CCDC15: variants seen among roughly 807,000 people sequenced by gnomAD.
CCDC15 encodes coiled-coil domain containing 15.
A neutral mutation model predicts 114.5 loss-of-function variants in CCDC15; 105 were observed. The observed-to-expected ratio is 0.92, with a 90% CI of 0.78 to 1.08. The LOEUF (loss-of-function observed/expected upper bound fraction) is 1.08, where lower values mean the gene tolerates loss of function less well. CCDC15 is among the 50% of genes least tolerant of loss of function. The probability of loss-of-function intolerance (pLI) is 0.00; values close to 1 mark genes in which losing one functional copy is unlikely to be tolerated. For missense variants in CCDC15, 1,105 were observed against 1,093.6 expected (o/e 1.01, Z -0.15); for synonymous variants, 334 against 377.8 (o/e 0.88, Z 1.34).
At chr11:124,970,999 A>G (rs986300601) in intron 4 of CCDC15, among the ~76,000 whole-genome samples, 4 of 152,124 alleles carry the variant, frequency 2.6e-5, no homozygotes, top group South Asian at 2.1e-4. Flanking sequence ...ATCAAGGCCT[A>G]TTTTTATTTG....
intron 8 of CCDC15, among the ~76,000 whole-genome samples, chr11:124,989,014 T>A (rs185280247): frequency 6.6e-6 from 1 of 152,348 alleles, no homozygotes; most frequent in East Asian, 1.9e-4. Flanking sequence ...GATTCATGAA[T>A]GTTCTTAATG....
chr11:124,961,473 A>T (rs1408852099), intron 4 of CCDC15, among the ~76,000 whole-genome samples: 1 of 152,210 alleles, frequency 6.6e-6, no homozygotes, highest in Non-Finnish European at 1.5e-5. Flanking sequence ...GGAAGAATTC[A>T]TGGGAGAGAT....
chr11:124,985,149 A>G (rs187883485), intron 6 of CCDC15, among the ~76,000 whole-genome samples: 2 of 152,312 alleles, frequency 1.3e-5, no homozygotes, highest in African/African-American at 2.4e-5. Context: ...ATAATGTTTT[A>G]AAGTTCATCC....
intron 1 of CCDC15, 145 bp downstream of exon 1, chr11:124,954,515 T>G (rs915543759): frequency 2.3e-6 from 1 of 428,364 alleles, no homozygotes; most frequent in African/African-American, 2.0e-5. Context: ...GAAGGCAACT[T>G]AAAAACCTTT....
At chr11:124,977,402 A>G in intron 5 of CCDC15, 76 bp from the exon 6 acceptor site, 1 of 1,341,534 alleles carries the variant, frequency 7.5e-7, no homozygotes, top group Non-Finnish European at 9.9e-7. Flanking sequence ...TAGATCTTTC[A>G]CAGAAACTCA....
Position 124,986,698 on chromosome 11 carries a change from T to TGCGCGC in CCDC15, c.754-43_754-42insCGCGCG, listed in dbSNP as rs777233071. ...GTGTGTGTGTGTGTGTGTTTGTGTG[T>TGCGCGC]GTGCGCGCGCGCGCGTGCGCGTTTT... On this transcript the variant is annotated intron_variant, in intron 6 of 15. Transcript: ENST00000344762. 7.7e-6 allele frequency: 11 copies of TGCGCGC among 1,437,504 alleles called. No individual in the cohort carries two copies. In the African/African-American group the frequency reaches 9.8e-5, roughly 13 times the overall value. 89.0% of individuals were successfully genotyped at this position (1,437,504 alleles called of 1,614,324 possible). A position where few individuals can be genotyped will look rare whatever the true frequency, so the allele number is the denominator to read the frequency against.
chr11:124,985,752 A>G (rs1034238008), intron 6 of CCDC15, among the ~76,000 whole-genome samples: 2 of 151,000 alleles, frequency 1.3e-5, no homozygotes, highest in Admixed American at 6.6e-5. Flanking sequence ...TATAATATGT[A>G]TATATTCTGG....
At chr11:125,004,837 C>G (rs779612393) in intron 12 of CCDC15, among the ~76,000 whole-genome samples, 3 of 152,074 alleles carry the variant, frequency 2.0e-5, no homozygotes, top group Non-Finnish European at 4.4e-5. Flanking sequence ...CTTGGGAACA[C>G]AGAGTAAATA....
At chr11:125,039,528 G>A (rs1244742903) in intron 15 of CCDC15, 1 of 153,226 alleles carries the variant, frequency 6.5e-6, no homozygotes, top group East Asian at 1.9e-4. Context: ...GTCCCAGCTA[G>A]AGAAAACTTA....
At chr11:124,986,600 A>G (rs750912677) in intron 6 of CCDC15, 142 bp from the exon 7 acceptor site, 1 of 852,472 alleles carries the variant, frequency 1.2e-6, no homozygotes, top group Non-Finnish European at 1.7e-6. Flanking sequence ...AAATTATAAT[A>G]GCAGTGACCT....
At chr11:125,039,122 A>G in intron 15 of CCDC15, 53 bp downstream of exon 15, 2 of 1,485,438 alleles carry the variant, frequency 1.3e-6, no homozygotes, top group Non-Finnish European at 1.8e-6. Context: ...AAAAATAAAT[A>G]AGAGTAGTGG....
chr11:125,032,352 A>C (rs1478609692), intron 13 of CCDC15, among the ~76,000 whole-genome samples: 15 of 152,254 alleles, frequency 9.9e-5, no homozygotes, highest in Non-Finnish European at 2.1e-4. Context: ...GCATTTGCCT[A>C]GTCAGTGGCC....
At chr11:125,025,094 A>ATGAATATATATG (rs1948690338) in intron 13 of CCDC15, among the ~76,000 whole-genome samples, 2 of 130,344 alleles carry the variant, frequency 1.5e-5, no homozygotes, top group Non-Finnish European at 3.1e-5. Flanking sequence ...GAATATATAT[A>ATGAATATATATG]TGAATATATA....
intron 13 of CCDC15, 161 bp from the exon 14 acceptor site, chr11:125,038,270 A>G (rs185740578): frequency 2.9e-4 from 148 of 501,872 alleles, no homozygotes; most frequent in Non-Finnish European, 4.6e-4. Context: ...TTGGGAGGAG[A>G]TAAAGCAGCC....
At chr11:124,988,744 G>A (rs1489599938) in intron 8 of CCDC15, among the ~76,000 whole-genome samples, 1 of 152,138 alleles carries the variant, frequency 6.6e-6, no homozygotes, top group African/African-American at 2.4e-5. Context: ...TTTTAACAAT[G>A]TTCACAGTAG....
At position 124,986,707 on chromosome 11, in the gene CCDC15, G is replaced by GCA. The variant is rs1565366442; in HGVS notation, c.754-34_754-33insAC. ...TGTGTGTGTTTGTGTGTGTGCGCGC[G>GCA]CGCGCGTGCGCGTTTTCATTGTTTT... is the stretch of plus-strand genomic sequence containing the variant. On this transcript the variant is annotated intron_variant, in intron 6 of 15. Coordinates refer to ENST00000344762, the MANE Select transcript of CCDC15 (RefSeq NM_025004.3). 32 of 1,441,716 alleles carry GCA rather than the reference G, an allele frequency of 2.2e-5. 1 individual carries two copies. Among genetic ancestry groups the GCA allele is most frequent in the East Asian group, 7.5e-5 (3 of 40,056 alleles). 89.3% of individuals were successfully genotyped at this position (1,441,716 alleles called of 1,614,324 possible).
intron 4 of CCDC15, 81 bp downstream of exon 4, chr11:124,960,084 G>A: frequency 9.0e-7 from 1 of 1,106,836 alleles, no homozygotes; most frequent in Non-Finnish European, 1.2e-6. Flanking sequence ...TAGGGTATGA[G>A]GTAGGGATTA....
intron 6 of CCDC15, among the ~76,000 whole-genome samples, chr11:124,978,818 A>ATT (rs35083057): frequency 1.1e-3 from 169 of 148,682 alleles, no homozygotes; most frequent in South Asian, 8.2e-3. Context: ...CCCATTTGTC[A>ATT]TTTTTTTTTT....
At position 124,986,734 on chromosome 11, in the gene CCDC15, T is replaced by C. The variant is rs1948170187; in HGVS notation, c.754-8T>C. On this transcript the variant is annotated splice_region_variant and splice_polypyrimidine_tract_variant and intron_variant, in intron 6 of 15. Transcript: ENST00000344762. ...GCGCGTGCGCGTTTTCATTGTTTTT[T>C]TCTTTAGGAACTTGACTATGAGGAA... 1 of 1,534,260 alleles carries C rather than the reference T, an allele frequency of 6.5e-7. No individual in the cohort carries two copies. The highest frequency in any genetic ancestry group is 8.8e-7 in the Non-Finnish European group (1 of 1,140,872).
Sources: allele counts gnomAD v4.1 joint callset (sites outside exome capture counted in the v4.1 genomes callset), GRCh38; gene constraint gnomAD v4.1.1; transcripts MANE v1.5; gene names NCBI Gene and HGNC (gene_info 2026-07-23, HGNC 2026-07-21).